SYT1: variants seen among roughly 807,000 people sequenced by gnomAD.
SYT1 encodes synaptotagmin 1, also known as synaptotagmin-1.
Under a neutral mutation model 44.8 loss-of-function variants are expected in SYT1, and 8 were observed. The ratio of observed to expected loss-of-function variants is 0.18; its 90% CI spans 0.10 to 0.32. The LOEUF (loss-of-function observed/expected upper bound fraction) is 0.32, where lower values mean the gene tolerates loss of function less well. SYT1 is among the 10% of genes least tolerant of loss of function. SYT1 has a pLI of 1.00. For missense variants in SYT1, 286 were observed against 509.3 expected (o/e 0.56, Z 4.22); for synonymous variants, 154 against 188.8 (o/e 0.82, Z 1.51).
intron 2 of SYT1, among the ~76,000 whole-genome samples, chr12:78,999,612 T>C (rs1325739292): frequency 6.6e-6 from 1 of 152,182 alleles, no homozygotes; most frequent in African/African-American, 2.4e-5. Context: ...GGAATTAAAA[T>C]AATCACACTC....
chr12:79,145,833 C>T (rs1162824075), intron 3 of SYT1, among the ~76,000 whole-genome samples: 1 of 151,350 alleles, frequency 6.6e-6, no homozygotes, highest in African/African-American at 2.4e-5. Context: ...TCTCGGCTCA[C>T]TGCAAGCTCC....
At chr12:79,038,178 TACAC>T (rs1188910217) in intron 2 of SYT1, among the ~76,000 whole-genome samples, 2 of 142,568 alleles carry the variant, frequency 1.4e-5, no homozygotes, top group Non-Finnish European at 3.1e-5. Flanking sequence ...TATATATATA[TACAC>T]ACACACATAT....
intron 1 of SYT1, among the ~76,000 whole-genome samples, chr12:78,962,376 C>A (rs1006931172): frequency 1.5e-5 from 2 of 137,504 alleles, no homozygotes; most frequent in Non-Finnish European, 3.1e-5. Flanking sequence ...ATAATAGCAT[C>A]ACTTCGTGGG....
intron 9 of SYT1, among the ~76,000 whole-genome samples, chr12:79,370,297 T>G (rs1040322434): frequency 3.3e-5 from 5 of 152,116 alleles, no homozygotes; most frequent in African/African-American, 1.2e-4. Context: ...AGCTGCAAAA[T>G]ACAGAATTCA....
intron 2 of SYT1, among the ~76,000 whole-genome samples, chr12:78,988,387 T>C (rs1169865137): frequency 1.4e-5 from 2 of 148,118 alleles, no homozygotes; most frequent in East Asian, 1.9e-4. Flanking sequence ...TAATGTAAGA[T>C]ATATAGTAAG....
chr12:79,279,079 C>T (rs1878902364), intron 4 of SYT1, among the ~76,000 whole-genome samples: 1 of 150,884 alleles, frequency 6.6e-6, no homozygotes, highest in Non-Finnish European at 1.5e-5. Context: ...CCAAATTCTA[C>T]CAGTCATAAA....
At chr12:79,183,769 T>TC (rs1423441218) in intron 3 of SYT1, among the ~76,000 whole-genome samples, 1 of 152,040 alleles carries the variant, frequency 6.6e-6, no homozygotes, top group Non-Finnish European at 1.5e-5. Flanking sequence ...TTCAAGCTGT[T>TC]CTCAAGGGTC....
chr12:79,197,302 T>C (rs1364981463), intron 3 of SYT1, among the ~76,000 whole-genome samples: 5 of 152,166 alleles, frequency 3.3e-5, no homozygotes, highest in Non-Finnish European at 5.9e-5. Context: ...TGGAGTAATA[T>C]AATTGATGAG....
intron 9 of SYT1, among the ~76,000 whole-genome samples, chr12:79,388,140 T>C (rs564808741): frequency 6.6e-6 from 1 of 152,318 alleles, no homozygotes; most frequent in South Asian, 2.1e-4. Flanking sequence ...ATACATACTT[T>C]TTCTTCTACT....
At chr12:79,232,412 C>T (rs1399530664) in intron 4 of SYT1, among the ~76,000 whole-genome samples, 1 of 152,178 alleles carries the variant, frequency 6.6e-6, no homozygotes, top group African/African-American at 2.4e-5. Context: ...ACTGTTCGCC[C>T]TCACACAGTT....
chr12:79,245,505 A>G (rs1395989535), intron 4 of SYT1, among the ~76,000 whole-genome samples: 1 of 151,236 alleles, frequency 6.6e-6, no homozygotes, highest in Non-Finnish European at 1.5e-5. Context: ...GAAAAAAGAA[A>G]AAAAAAACTT....
intron 1 of SYT1, among the ~76,000 whole-genome samples, chr12:78,909,725 C>A (rs1280005258): frequency 6.6e-6 from 1 of 151,890 alleles, no homozygotes; most frequent in Non-Finnish European, 1.5e-5. Flanking sequence ...TTTTCTTGAA[C>A]ATTGCCATCA....
chr12:79,232,005 C>A (rs146893651), intron 4 of SYT1, among the ~76,000 whole-genome samples: 65 of 152,230 alleles, frequency 4.3e-4, no homozygotes, highest in Non-Finnish European at 8.1e-4. Flanking sequence ...GTTGGTCTTC[C>A]CAAGTTCAAA....
intron 4 of SYT1, among the ~76,000 whole-genome samples, chr12:79,245,269 TC>T (rs1257569062): frequency 7.2e-6 from 1 of 139,330 alleles, no homozygotes; most frequent in Admixed American, 7.8e-5. Flanking sequence ...ATCCTGACCA[TC>T]CTGGCTAACA....
At chr12:79,234,712 CT>C (rs869074290) in intron 4 of SYT1, among the ~76,000 whole-genome samples, 1,228 of 28,722 alleles carry the variant, frequency 0.043, 12 homozygotes, top group African/African-American at 0.12. Context: ...TTCTTTCTTT[CT>C]TTTTTTTTTT....
At chr12:79,225,110 T>G (rs946261018) in intron 4 of SYT1, among the ~76,000 whole-genome samples, 6 of 150,554 alleles carry the variant, frequency 4.0e-5, no homozygotes, top group Non-Finnish European at 7.4e-5. Context: ...AGATTATTCT[T>G]GCTACAGTGG....
intron 9 of SYT1, among the ~76,000 whole-genome samples, chr12:79,425,987 A>T (rs548726163): frequency 5.9e-5 from 9 of 152,310 alleles, no homozygotes; most frequent in African/African-American, 1.4e-4. Context: ...CAATTATTCA[A>T]TAAAGATTGT....
chr12:79,038,259 C>T (rs1004973508), intron 2 of SYT1, among the ~76,000 whole-genome samples: 8 of 150,728 alleles, frequency 5.3e-5, no homozygotes, highest in Non-Finnish European at 7.4e-5. Context: ...TTGTCCAATA[C>T]AGGCAATTTA....
intron 3 of SYT1, among the ~76,000 whole-genome samples, chr12:79,079,575 G>A (rs560110837): frequency 6.6e-6 from 1 of 152,088 alleles, no homozygotes; most frequent in African/African-American, 2.4e-5. Context: ...TAAAATTAAT[G>A]TATCAAAGTA....
Sources: allele counts gnomAD v4.1 joint callset (sites outside exome capture counted in the v4.1 genomes callset), GRCh38; gene constraint gnomAD v4.1.1; transcripts MANE v1.5; gene names NCBI Gene and HGNC (gene_info 2026-07-23, HGNC 2026-07-21).